ANXA4: variants seen among roughly 807,000 people sequenced by gnomAD.
ANXA4 encodes annexin A4, also known as 35-beta calcimedin.
ANXA4 carries 39 observed loss-of-function variants against 49.8 expected under a neutral mutation model. The observed-to-expected ratio is 0.78, with a 90% confidence interval of 0.61 to 1.02. The LOEUF is 1.02. Ranked by LOEUF, ANXA4 falls within the 50% of genes least tolerant of loss-of-function variation. The pLI, the probability that ANXA4 is intolerant of heterozygous loss-of-function variation, is 0.00. For synonymous variants in ANXA4, 134 were observed against 152.5 expected (o/e 0.88, Z 0.89); for missense variants, 360 against 410.1 (o/e 0.88, Z 1.05).
chr2:69,662,201 A>G (rs12475834), intron 2 of ANXA4, among the ~76,000 whole-genome samples: 9,849 of 152,188 alleles, frequency 0.065, 1,029 homozygotes, highest in East Asian at 0.36. Context: ...CTCAACTGGC[A>G]CTGTAAACTA....
intron 2 of ANXA4, among the ~76,000 whole-genome samples, chr2:69,678,861 G>A (rs989195295): frequency 3.3e-5 from 5 of 152,030 alleles, no homozygotes; most frequent in African/African-American, 9.7e-5. Flanking sequence ...AAAGTTGTCT[G>A]TTGTTTTAAT....
At chr2:69,810,392 G>C in intron 6 of ANXA4, 1 of 558,986 alleles carries the variant, frequency 1.8e-6, no homozygotes, top group Non-Finnish European at 3.2e-6. Context: ...ACAAAAACAG[G>C]AATATCGTGT....
chr2:69,697,978 C>CA (rs34820959), intron 2 of ANXA4, among the ~76,000 whole-genome samples: 17,255 of 105,504 alleles, frequency 0.16, 1,581 homozygotes, highest in East Asian at 0.37. Flanking sequence ...GACCCCATCT[C>CA]AAAAAAAAAA....
At chr2:69,816,952 A>G (rs1242642289) in intron 9 of ANXA4, 1 of 152,250 alleles carries the variant, frequency 6.6e-6, no homozygotes, top group African/African-American at 2.4e-5. Flanking sequence ...ACATAAAGCA[A>G]TTGAGAAGTA....
chr2:69,723,993 G>A (rs758764838), intron 3 of ANXA4, among the ~76,000 whole-genome samples: 2 of 152,344 alleles, frequency 1.3e-5, no homozygotes, highest in Middle Eastern at 3.4e-3. Context: ...GGTGGCGCAC[G>A]CCTGTAATCC....
intron 3 of ANXA4, among the ~76,000 whole-genome samples, chr2:69,789,282 G>T (rs370168383): frequency 1.7e-4 from 26 of 152,214 alleles, no homozygotes; most frequent in African/African-American, 6.0e-4. Context: ...TCACCAAGTC[G>T]CACAGTGAGT....
upstream of ANXA4, chr2:69,644,062 G>T: frequency 4.6e-6 from 1 of 215,524 alleles, no homozygotes; most frequent in Non-Finnish European, 8.1e-6. Context: ...CGAGGCGGCA[G>T]CCGTGTGGCC....
intron 2 of ANXA4, among the ~76,000 whole-genome samples, chr2:69,699,653 CAAAAA>C (rs971084955): frequency 6.6e-6 from 1 of 151,816 alleles, no homozygotes; most frequent in Admixed American, 6.6e-5. Context: ...CAAAACAAAA[CAAAAA>C]ACAAGAAACA....
intron 2 of ANXA4, among the ~76,000 whole-genome samples, chr2:69,698,639 C>T (rs112454217): frequency 6.6e-6 from 1 of 152,036 alleles, no homozygotes; most frequent in East Asian, 1.9e-4. Context: ...CTAGGTGGGG[C>T]GGGGCAGGAC....
chr2:69,813,424 T>C (rs1404193041), intron 8 of ANXA4, among the ~76,000 whole-genome samples: 1 of 152,136 alleles, frequency 6.6e-6, no homozygotes, highest in Admixed American at 6.5e-5. Context: ...AATTTTTTTC[T>C]ATTTTTAGTA....
At chr2:69,783,364 C>T (rs1313648549) in intron 2 of ANXA4, among the ~76,000 whole-genome samples, 6 of 151,990 alleles carry the variant, frequency 3.9e-5, no homozygotes, top group Admixed American at 1.3e-4. Context: ...TACAGGCGCT[C>T]GCCACCACGC....
chr2:69,815,904 G>T (rs533210414), intron 8 of ANXA4, 197 bp from the exon 9 acceptor site: 8 of 559,642 alleles, frequency 1.4e-5, no homozygotes, highest in South Asian at 9.6e-5. Flanking sequence ...TGACTCCCAG[G>T]GGGGTATGAC....
At chr2:69,820,460 A>G (rs1490222117) in intron 11 of ANXA4, among the ~76,000 whole-genome samples, 1 of 152,140 alleles carries the variant, frequency 6.6e-6, no homozygotes, top group Non-Finnish European at 1.5e-5. Flanking sequence ...AGCACAGGTT[A>G]TGGCTCTAGA....
intron 2 of ANXA4, among the ~76,000 whole-genome samples, chr2:69,664,236 G>A (rs577985289): frequency 8.5e-5 from 13 of 152,266 alleles, no homozygotes; most frequent in South Asian, 6.2e-4. Context: ...TTTCAGACAC[G>A]TACAATTTCA....
chr2:69,690,612 C>T (rs1228141491), intron 2 of ANXA4, among the ~76,000 whole-genome samples: 1 of 152,184 alleles, frequency 6.6e-6, no homozygotes, highest in Non-Finnish European at 1.5e-5. Context: ...GATACCCTCT[C>T]CAGCCTGAGC....
intron 2 of ANXA4, among the ~76,000 whole-genome samples, chr2:69,665,478 T>A (rs1676900805): frequency 6.6e-6 from 1 of 152,130 alleles, no homozygotes; most frequent in South Asian, 2.1e-4. Flanking sequence ...AATAAATGAT[T>A]GTTTCAATCA....
At chr2:69,713,923 G>A (rs1363955441) in intron 2 of ANXA4, 1 of 152,254 alleles carries the variant, frequency 6.6e-6, no homozygotes, top group East Asian at 1.9e-4. Flanking sequence ...CACAAAGGTC[G>A]GACTCCCTGC....
upstream of ANXA4, among the ~76,000 whole-genome samples, chr2:69,739,475 AGC>A (rs773587345): frequency 1.3e-3 from 204 of 152,010 alleles, no homozygotes; most frequent in Non-Finnish European, 2.3e-3. Flanking sequence ...GCAGAGGCAT[AGC>A]TCACTGCAGC....
intron 1 of ANXA4, among the ~76,000 whole-genome samples, chr2:69,761,873 G>A (rs897315518): frequency 1.3e-5 from 2 of 151,746 alleles, no homozygotes; most frequent in African/African-American, 4.8e-5. Context: ...TGTGCTGTCT[G>A]TAAAACTTCT....
Sources: allele counts gnomAD v4.1 joint callset (sites outside exome capture counted in the v4.1 genomes callset), GRCh38; gene constraint gnomAD v4.1.1; transcripts MANE v1.5; gene names NCBI Gene and HGNC (gene_info 2026-07-23, HGNC 2026-07-21).